Variants in ZC3H18 observed in about 807,000 individuals in gnomAD.
ZC3H18 encodes the protein zinc finger CCCH-type containing 18.
ZC3H18 carries 8 observed loss-of-function variants against 106.1 expected under a neutral mutation model. The observed-to-expected ratio is 0.08, with a 90% CI of 0.04 to 0.14. The LOEUF is 0.14. Ranked by LOEUF, ZC3H18 falls within the 10% of genes least tolerant of loss-of-function variation. ZC3H18 has a pLI of 1.00. For missense variants in ZC3H18, 1,318 were observed against 1,278.4 expected (o/e 1.03, Z -0.47); for synonymous variants, 635 against 522.1 (o/e 1.22, Z -2.95).
At chr16:88,581,471 CTG>C (rs940168346) in intron 2 of ZC3H18, among the ~76,000 whole-genome samples, 6 of 152,320 alleles carry the variant, frequency 3.9e-5, no homozygotes, top group African/African-American at 1.4e-4. Context: ...GGCCTTGAAT[CTG>C]TGTTTGGTAT....
In ZC3H18 at chr16:88,627,788, C is replaced by G; in HGVS notation, c.2269+6C>G. ...CCAGACCAGGAAGGAGAAAGGTACT[C>G]AGGAGCCCTGGTACCTTTGGGGAGC... is the stretch of plus-strand genomic sequence containing the variant. On this transcript the variant is annotated splice_donor_region_variant and intron_variant, in intron 14 of 17. Coordinates refer to ENST00000301011, the MANE Select transcript of ZC3H18 (RefSeq NM_144604.4). The surrounding 1 kb of genome is among the most constrained non-coding windows in gnomAD (Gnocchi z 4.5). The G allele has an allele frequency of 3.7e-6, 6 of 1,610,398 alleles. No individual in the cohort carries two copies. The highest frequency in any genetic ancestry group is 5.1e-6 in the Non-Finnish European group (6 of 1,177,430).
chr16:88,597,378 G>T (rs886986281), intron 3 of ZC3H18, among the ~76,000 whole-genome samples: 1 of 152,094 alleles, frequency 6.6e-6, no homozygotes, highest in Non-Finnish European at 1.5e-5. Context: ...AATTTTAAAT[G>T]ATTTAAAATC....
At chr16:88,591,719 T>C (rs1915762623) in intron 3 of ZC3H18, among the ~76,000 whole-genome samples, 1 of 152,282 alleles carries the variant, frequency 6.6e-6, no homozygotes, top group Admixed American at 6.5e-5. Context: ...TAAAAATCTC[T>C]TCAGACCCTG....
At chr16:88,606,041 C>A (rs1273125354) in intron 6 of ZC3H18, among the ~76,000 whole-genome samples, 2 of 152,230 alleles carry the variant, frequency 1.3e-5, no homozygotes, top group Non-Finnish European at 2.9e-5. Context: ...TAAGTGGTGA[C>A]TGCAGAACGA....
chr16:88,580,012 G>C (rs926052319), intron 2 of ZC3H18, among the ~76,000 whole-genome samples: 1 of 152,140 alleles, frequency 6.6e-6, no homozygotes, highest in Non-Finnish European at 1.5e-5. Context: ...CCCCTGGGTT[G>C]CTTGCCCCAG....
chr16:88,572,692 T>C (rs1166535335), intron 1 of ZC3H18, among the ~76,000 whole-genome samples: 1 of 152,044 alleles, frequency 6.6e-6, no homozygotes, highest in Non-Finnish European at 1.5e-5. Flanking sequence ...ACTCTTCTAC[T>C]GACACCCCTG....
intron 3 of ZC3H18, 104 bp from the exon 4 acceptor site, chr16:88,598,074 T>C: frequency 7.3e-6 from 5 of 680,644 alleles, no homozygotes; most frequent in East Asian, 5.0e-5. Flanking sequence ...CCATCAGGCC[T>C]GGGTAAACAT....
intron 10 of ZC3H18, 122 bp from the exon 11 acceptor site, chr16:88,623,836 A>T: frequency 6.9e-7 from 1 of 1,451,930 alleles, no homozygotes; most frequent in East Asian, 2.4e-5. Flanking sequence ...CTGAAGTTAA[A>T]ACTGAGGCAC....
intron 3 of ZC3H18, among the ~76,000 whole-genome samples, chr16:88,587,120 G>C (rs1435959833): frequency 6.6e-6 from 1 of 152,206 alleles, no homozygotes; most frequent in Non-Finnish European, 1.5e-5. Context: ...TGTTCGTGTG[G>C]AATGGATTTC....
chr16:88,622,630 G>C (rs1597357407), intron 9 of ZC3H18: 1 of 507,232 alleles, frequency 2.0e-6, no homozygotes, highest in African/African-American at 1.9e-5. Flanking sequence ...GAGCCTGACT[G>C]CTCCCAGGGA....
chr16:88,598,588 T>C, intron 4 of ZC3H18, 32 bp from the exon 5 acceptor site: 1 of 1,584,624 alleles, frequency 6.3e-7, no homozygotes, highest in Non-Finnish European at 8.6e-7. Context: ...AAGTTTTACT[T>C]TCTCACCTTC....
At chr16:88,618,372 A>G (rs530955455) in intron 8 of ZC3H18, among the ~76,000 whole-genome samples, 238 of 152,326 alleles carry the variant, frequency 1.6e-3, no homozygotes, top group Non-Finnish European at 2.8e-3. Context: ...GCTGCCTCTG[A>G]GCAGGCTCAG....
intron 1 of ZC3H18, among the ~76,000 whole-genome samples, chr16:88,573,464 C>G (rs1421847669): frequency 6.6e-6 from 1 of 152,040 alleles, no homozygotes; most frequent in African/African-American, 2.4e-5. Context: ...TGCTTTTCAT[C>G]CTTGCTTTTG....
chr16:88,593,025 C>A (rs913560859), intron 3 of ZC3H18, among the ~76,000 whole-genome samples: 6 of 152,264 alleles, frequency 3.9e-5, no homozygotes, highest in Admixed American at 2.0e-4. Flanking sequence ...TTATAAGTTA[C>A]GCACAGTAAG....
intron 6 of ZC3H18, among the ~76,000 whole-genome samples, chr16:88,606,671 C>T (rs914088385): frequency 6.6e-6 from 1 of 152,210 alleles, no homozygotes; most frequent in African/African-American, 2.4e-5. Context: ...TCCAGGCTTC[C>T]TCTTCGTTTT....
At chr16:88,572,526 G>A (rs941864649) in intron 1 of ZC3H18, among the ~76,000 whole-genome samples, 4 of 151,998 alleles carry the variant, frequency 2.6e-5, no homozygotes, top group Non-Finnish European at 4.4e-5. Context: ...GAGACGGGAC[G>A]ATGGGCACTT....
chr16:88,616,707 T>A (rs1237090152), intron 8 of ZC3H18, among the ~76,000 whole-genome samples: 1 of 152,158 alleles, frequency 6.6e-6, no homozygotes, highest in Non-Finnish European at 1.5e-5. Flanking sequence ...TTTGTAATCA[T>A]TAGGTGGATA....
At chr16:88,629,110 C>T (rs984410898) in intron 16 of ZC3H18, among the ~76,000 whole-genome samples, 4 of 151,886 alleles carry the variant, frequency 2.6e-5, no homozygotes, top group African/African-American at 9.7e-5. Context: ...AGGCTGAGGC[C>T]GGCAGATCAC....
In ZC3H18 at chr16:88,622,306, C is replaced by T; in HGVS notation, c.1585C>T (p.Leu529Phe). Reference protein sequence around the residue: ...WRRSKSPKKKLGVSVSPSRAR... With the variant: ...WRRSKSPKKKFGVSVSPSRAR... ...CCGATCCAAGTCTCCCAAGAAGAAA[C>T]TCGGGGTGTCGGTCTCCCCGAGCCG... is the stretch of plus-strand genomic sequence containing the variant. The change falls in exon 9 of 18, where the codon CTC becomes TTC. Residue 529 changes from leucine (L) to phenylalanine (F), a missense_variant. Transcript: ENST00000301011. 1.9e-6 allele frequency: 3 copies of T among 1,614,066 alleles called. No individual in the cohort carries two copies. Among genetic ancestry groups the T allele is most frequent in the Non-Finnish European group, 2.5e-6 (3 of 1,179,960 alleles).
Sources: gnomAD v4.1 joint callset for allele counts (sites outside exome capture counted in the v4.1 genomes callset) on GRCh38, gnomAD v4.1.1 for gene constraint, Gnocchi (gnomAD v3.1) non-coding constraint, MANE v1.5 for transcripts, NCBI Gene and HGNC (gene_info 2026-07-23, HGNC 2026-07-21) for gene names.